The following SDCCAG8 variants were observed in gnomAD, a reference collection of about 807,000 sequenced individuals.
SDCCAG8 encodes the protein SHH signaling and ciliogenesis regulator SDCCAG8.
Under a neutral mutation model 101.8 loss-of-function variants are expected in SDCCAG8, and 74 were observed. That is an observed-to-expected ratio of 0.73 (90% CI 0.60 to 0.88). SDCCAG8 has a LOEUF of 0.88. Ranked by LOEUF, SDCCAG8 falls within the 40% of genes least tolerant of loss-of-function variation. The probability of loss-of-function intolerance (pLI) is 0.00; values close to 1 mark genes in which losing one functional copy is unlikely to be tolerated. For missense variants in SDCCAG8, 787 were observed against 822.6 expected (o/e 0.96, Z 0.53); for synonymous variants, 281 against 292.9 (o/e 0.96, Z 0.41).
At chr1:243,479,851 A>C (rs1309910403) in intron 16 of SDCCAG8, among the ~76,000 whole-genome samples, 1 of 152,158 alleles carries the variant, frequency 6.6e-6, no homozygotes, top group Non-Finnish European at 1.5e-5. Flanking sequence ...AATACTGTGA[A>C]TTAGAATGTA....
chr1:243,398,877 A>G (rs1404123669), intron 13 of SDCCAG8, among the ~76,000 whole-genome samples: 1 of 152,144 alleles, frequency 6.6e-6, no homozygotes, highest in African/African-American at 2.4e-5. Context: ...ATTTTTTTGA[A>G]TGAAGGGATA....
rs2083169863 is a variant in SDCCAG8 at position 243,449,209 on chromosome 1, A to G, written c.1985+22651A>G. 3.3e-5 allele frequency among the ~76,000 whole-genome samples: 5 copies of G among 152,202 alleles called. No individual in the cohort carries two copies. In the South Asian group the frequency reaches 1.0e-3, roughly 32 times the overall value. On this transcript the variant is annotated intron_variant, in intron 16 of 17. Transcript: ENST00000366541. ...CTCATTGTGTTATTAGTTGATCCTT[A>G]TTTTTCAAGGTTTGTAGGTCATGCT... is the stretch of plus-strand genomic sequence containing the variant.
At chr1:243,408,288 G>A (rs1191391209) in intron 13 of SDCCAG8, among the ~76,000 whole-genome samples, 1 of 152,134 alleles carries the variant, frequency 6.6e-6, no homozygotes, top group Non-Finnish European at 1.5e-5. Context: ...CAAAACAAAG[G>A]TTCCTATTCT....
intron 16 of SDCCAG8, among the ~76,000 whole-genome samples, chr1:243,444,294 A>G (rs567078250): frequency 6.6e-6 from 1 of 152,210 alleles, no homozygotes; most frequent in South Asian, 2.1e-4. Flanking sequence ...AAGGAATTCA[A>G]GTGTGATTTA....
intron 16 of SDCCAG8, among the ~76,000 whole-genome samples, chr1:243,462,997 A>G (rs1181880374): frequency 6.6e-6 from 1 of 152,234 alleles, no homozygotes; most frequent in Non-Finnish European, 1.5e-5. Flanking sequence ...TTTATTTTAA[A>G]AGATAAATAA....
chr1:243,330,461 C>A, intron 9 of SDCCAG8, 79 bp from the exon 10 acceptor site: 1 of 1,454,502 alleles, frequency 6.9e-7, no homozygotes, highest in Non-Finnish European at 9.6e-7. Context: ...TTTAAATATA[C>A]TTAAAGCTTA....
chr1:243,340,953 T>G, intron 10 of SDCCAG8, 86 bp from the exon 11 acceptor site: 2 of 1,374,714 alleles, frequency 1.5e-6, no homozygotes, highest in African/African-American at 1.4e-5. Flanking sequence ...CCAGTGACTA[T>G]GCTGAGACGC....
intron 6 of SDCCAG8, chr1:243,293,620 C>T (rs2070492774): frequency 2.7e-6 from 1 of 373,500 alleles, no homozygotes; most frequent in South Asian, 2.0e-5. Flanking sequence ...TAGCATGTGT[C>T]AAAATTTCAA....
chr1:243,372,690 GT>G (rs961398861), intron 12 of SDCCAG8, among the ~76,000 whole-genome samples: 1 of 150,110 alleles, frequency 6.7e-6, no homozygotes, highest in Non-Finnish European at 1.5e-5. Context: ...AGCAAGAAAT[GT>G]TTTTTTTTAA....
At chr1:243,335,588 G>A (rs900550788) in intron 10 of SDCCAG8, among the ~76,000 whole-genome samples, 4 of 152,046 alleles carry the variant, frequency 2.6e-5, no homozygotes, top group Admixed American at 1.3e-4. Flanking sequence ...CATGAATAAA[G>A]GTGGTGACAG....
In SDCCAG8 at chr1:243,257,962, A is replaced by T. The variant is rs572147799; in HGVS notation, c.67+1722A>T. 2.2e-4 allele frequency among the ~76,000 whole-genome samples: 34 copies of T among 152,282 alleles called. No individual in the cohort carries two copies. The South Asian group carries it at 6.8e-3, about 31-fold the overall frequency. On this transcript the variant is annotated intron_variant, in intron 1 of 17. Transcript: ENST00000366541. ...ATATAATTGTCGGAGGCTGTTTAAC[A>T]TTAGGCATTTTGACGCAGTAAAGGG...
At chr1:243,271,862 A>G (rs1332086892) in intron 3 of SDCCAG8, among the ~76,000 whole-genome samples, 1 of 152,200 alleles carries the variant, frequency 6.6e-6, no homozygotes, top group African/African-American at 2.4e-5. Context: ...ATACGTTTTA[A>G]TATGTAATGT....
intron 17 of SDCCAG8, among the ~76,000 whole-genome samples, chr1:243,489,346 G>A (rs1409524530): frequency 1.3e-5 from 2 of 152,232 alleles, no homozygotes; most frequent in African/African-American, 4.8e-5. Flanking sequence ...GTTAAAGTCC[G>A]TGCAGGTGAA....
At position 243,316,789 on chromosome 1, in the gene SDCCAG8, G is replaced by A. The variant is rs6672843; in HGVS notation, c.964G>A (p.Val322Ile). 129 of 1,614,166 alleles carry A rather than the reference G, an allele frequency of 8.0e-5. No individual in the cohort carries two copies. In the African/African-American group the frequency reaches 8.4e-4, roughly 11 times the overall value. ...RDDLMSALVS[V>I]RSSLADTQQR... ...TGACTTGATGTCTGCACTAGTTTCCGTAAGGAGCAGCTTGGCAGATACGCA... is the reference window on the plus strand; with the variant it reads ...TGACTTGATGTCTGCACTAGTTTCCATAAGGAGCAGCTTGGCAGATACGCA... The change falls in exon 9 of 18, where the codon GTA (valine) becomes ATA (isoleucine). Residue 322 changes from valine to isoleucine, a missense_variant. Coordinates refer to ENST00000366541, the MANE Select transcript of SDCCAG8 (RefSeq NM_006642.5).
At chr1:243,284,098 T>C (rs1442067151) in intron 4 of SDCCAG8, among the ~76,000 whole-genome samples, 1 of 152,254 alleles carries the variant, frequency 6.6e-6, no homozygotes, top group African/African-American at 2.4e-5. Context: ...CTTTGCCTTA[T>C]CTCAGACTGT....
chr1:243,256,830 A>G (rs756731277), intron 1 of SDCCAG8, among the ~76,000 whole-genome samples: 16 of 152,252 alleles, frequency 1.1e-4, no homozygotes, highest in Admixed American at 5.2e-4. Flanking sequence ...GCCAGGTATT[A>G]TCAGGCTTGC....
At chr1:243,286,549 A>G (rs370587270) in intron 5 of SDCCAG8, 152 bp downstream of exon 5, 7 of 787,054 alleles carry the variant, frequency 8.9e-6, no homozygotes, top group Non-Finnish European at 1.5e-5. Context: ...ATCAAACTTC[A>G]CTGTGGTGGA....
intron 13 of SDCCAG8, among the ~76,000 whole-genome samples, chr1:243,408,288 G>T (rs1191391209): frequency 6.6e-6 from 1 of 152,134 alleles, no homozygotes; most frequent in African/African-American, 2.4e-5. Context: ...CAAAACAAAG[G>T]TTCCTATTCT....
intron 13 of SDCCAG8, among the ~76,000 whole-genome samples, chr1:243,386,768 T>A (rs961020303): frequency 6.0e-4 from 86 of 143,372 alleles, no homozygotes; most frequent in Non-Finnish European, 1.1e-3. Flanking sequence ...AGAAAGAAAG[T>A]GAGAGAGAGA....
Sources: allele counts gnomAD v4.1 joint callset (sites outside exome capture counted in the v4.1 genomes callset), GRCh38; gene constraint gnomAD v4.1.1; transcripts MANE v1.5; gene names NCBI Gene and HGNC (gene_info 2026-07-23, HGNC 2026-07-21).